The following P3H2 variants were observed in gnomAD, a reference collection of about 807,000 sequenced individuals.
P3H2 encodes the protein prolyl 3-hydroxylase 2, also known as leprecan-like 1.
In P3H2, 80 loss-of-function variants were observed where a neutral mutation model predicts 87.0. That is an observed-to-expected ratio of 0.92 (90% CI 0.77 to 1.11). The LOEUF is 1.11. P3H2 is among the 50% of genes least tolerant of loss of function. P3H2 has a pLI of 0.00. For missense variants in P3H2, 1,001 were observed against 923.9 expected (o/e 1.08, Z -1.08); for synonymous variants, 367 against 359.3 (o/e 1.02, Z -0.24).
intron 1 of P3H2, among the ~76,000 whole-genome samples, chr3:190,049,659 A>G (rs187345824): frequency 1.7e-3 from 252 of 152,318 alleles, no homozygotes; most frequent in Non-Finnish European, 2.7e-3. Flanking sequence ...ACCTATCTAT[A>G]AATAAGACTT....
chr3:189,987,480 A>G, intron 5 of P3H2, 47 bp downstream of exon 5: 1 of 149,506 alleles, frequency 6.7e-6, no homozygotes, highest in Non-Finnish European at 1.3e-5. Flanking sequence ...ACTCTGTCTT[A>G]AAAAAAAAAA....
At chr3:190,119,175 A>AGGAGAGGAGAGGAGG (rs1712427034) in intron 1 of P3H2, among the ~76,000 whole-genome samples, 1 of 18,594 alleles carries the variant, frequency 5.4e-5, no homozygotes, top group Non-Finnish European at 9.7e-5. Flanking sequence ...GGGAGGGGAG[A>AGGAGAGGAGAGGAGG]GGAGAGGAGA....
At chr3:189,987,021 A>C in intron 5 of P3H2, 144 bp from the exon 6 acceptor site, 1 of 656,674 alleles carries the variant, frequency 1.5e-6, no homozygotes. Flanking sequence ...GCCCCATCTC[A>C]ACATACTTTC....
chr3:190,027,160 A>C (rs1725108602), intron 1 of P3H2, among the ~76,000 whole-genome samples: 1 of 152,244 alleles, frequency 6.6e-6, no homozygotes, highest in East Asian at 1.9e-4. Flanking sequence ...GTTGGAAATA[A>C]CAGATAATGT....
intron 8 of P3H2, among the ~76,000 whole-genome samples, chr3:189,977,171 A>T (rs1248654291): frequency 6.6e-6 from 1 of 152,144 alleles, no homozygotes; most frequent in Non-Finnish European, 1.5e-5. Flanking sequence ...TTTGCTTCCC[A>T]CAAGTGCGAG....
intron 3 of P3H2, among the ~76,000 whole-genome samples, chr3:189,991,319 T>C (rs1723870967): frequency 6.6e-6 from 1 of 152,222 alleles, no homozygotes; most frequent in Non-Finnish European, 1.5e-5. Flanking sequence ...TTCGTCACAT[T>C]AATTTTCAGT....
At position 190,090,659 on chromosome 3, in the gene P3H2, T is replaced by C. The variant is rs1045219706; in HGVS notation, c.480+29593A>G. On this transcript the variant is annotated intron_variant, in intron 1 of 14. Coordinates refer to ENST00000319332, the MANE Select transcript of P3H2 (RefSeq NM_018192.4). The stretch of plus-strand genomic sequence containing the variant: ...CGGAGCTTGCAGTGAGCCCAGATTG[T>C]GCCACTGCACTCCAGCCTGGGTGAC... Among the ~76,000 whole-genome samples, 5 of 151,708 alleles carry C rather than the reference T, an allele frequency of 3.3e-5. No homozygotes were observed. The South Asian group carries it at 8.3e-4, about 25-fold the overall frequency.
At chr3:190,061,378 A>G (rs1577302954) in intron 1 of P3H2, among the ~76,000 whole-genome samples, 1 of 152,098 alleles carries the variant, frequency 6.6e-6, no homozygotes, top group Non-Finnish European at 1.5e-5. Flanking sequence ...GATTTTATTT[A>G]GTGCAATATG....
In P3H2 at chr3:190,120,341, G is replaced by A. The variant is rs777087919; in HGVS notation, c.391C>T (p.Pro131Ser). 2.5e-6 allele frequency: 4 copies of A among 1,587,406 alleles called. No individual in the cohort carries two copies. The highest frequency in any genetic ancestry group is 2.6e-6 in the Non-Finnish European group (3 of 1,170,136). Reference protein sequence around the residue: ...RSCETQRLGGPASRHRVSEDV... With the variant: ...RSCETQRLGGSASRHRVSEDV... Reference sequence around the variant, plus strand: ...TCGCTGACGCGGTGGCGGGATGCGGGGCCCCCGAGGCGCTGGGTCTCACAG... The same window carrying A: ...TCGCTGACGCGGTGGCGGGATGCGGAGCCCCCGAGGCGCTGGGTCTCACAG... The change falls in exon 1 of 15, where the codon CCC becomes TCC. Residue 131 changes from proline to serine, a missense_variant. Pro to Ser is a moderately conservative substitution (Grantham distance 74). Transcript: ENST00000319332.
chr3:189,972,340 T>A (rs548081865), intron 11 of P3H2, among the ~76,000 whole-genome samples: 37 of 152,224 alleles, frequency 2.4e-4, no homozygotes, highest in East Asian at 2.1e-3. Flanking sequence ...GAAAATTTTT[T>A]AAAAAAACAA....
intron 1 of P3H2, among the ~76,000 whole-genome samples, chr3:190,022,875 C>T (rs543800710): frequency 5.3e-5 from 8 of 151,958 alleles, no homozygotes; most frequent in South Asian, 2.1e-4. Flanking sequence ...TGCCCAGGCC[C>T]GAGTGCAGTG....
chr3:190,089,891 C>T (rs1207081492), intron 1 of P3H2, among the ~76,000 whole-genome samples: 1 of 152,120 alleles, frequency 6.6e-6, no homozygotes, highest in African/African-American at 2.4e-5. Context: ...TAATGCCTGA[C>T]ACCACATCAC....
chr3:190,110,279 G>A (rs957405111), intron 1 of P3H2, among the ~76,000 whole-genome samples: 2 of 152,278 alleles, frequency 1.3e-5, no homozygotes, highest in East Asian at 3.9e-4. Context: ...AGTGGACTGT[G>A]TTACTACTGA....
chr3:190,024,698 T>G (rs1435549298), intron 1 of P3H2, among the ~76,000 whole-genome samples: 1 of 152,292 alleles, frequency 6.6e-6, no homozygotes. Context: ...TTGTTATATC[T>G]GCAATGATGT....
chr3:189,987,786 T>G, intron 4 of P3H2, 117 bp from the exon 5 acceptor site: 75 of 1,110,946 alleles, frequency 6.8e-5, no homozygotes, highest in Non-Finnish European at 8.8e-5. Flanking sequence ...AGAGGGAAGA[T>G]AAATTGAGGC....
At chr3:190,005,793 C>T (rs1049305022) in intron 1 of P3H2, among the ~76,000 whole-genome samples, 3 of 152,172 alleles carry the variant, frequency 2.0e-5, no homozygotes, top group African/African-American at 7.2e-5. Context: ...AAGACCCCTC[C>T]TGGAGGAATC....
chr3:189,970,582 A>G (rs1384983463), intron 13 of P3H2, among the ~76,000 whole-genome samples: 1 of 152,006 alleles, frequency 6.6e-6, no homozygotes, highest in Non-Finnish European at 1.5e-5. Context: ...TAGCTATATG[A>G]TCATGATAAA....
chr3:190,082,835 A>G (rs1224500750), intron 1 of P3H2, among the ~76,000 whole-genome samples: 1 of 152,208 alleles, frequency 6.6e-6, no homozygotes, highest in South Asian at 2.1e-4. Flanking sequence ...AGTGGGAAGA[A>G]TATAATTACC....
At chr3:190,003,622 G>A (rs1483783799) in intron 1 of P3H2, among the ~76,000 whole-genome samples, 2 of 152,194 alleles carry the variant, frequency 1.3e-5, no homozygotes, top group African/African-American at 2.4e-5. Context: ...AATTTGAATG[G>A]CTGCTGGGTA....
Sources: allele counts gnomAD v4.1 joint callset (sites outside exome capture counted in the v4.1 genomes callset), GRCh38; gene constraint gnomAD v4.1.1; transcripts MANE v1.5; gene names NCBI Gene and HGNC (gene_info 2026-07-23, HGNC 2026-07-21).